OR9Q1: variants seen among roughly 807,000 people sequenced by gnomAD.
The protein encoded by OR9Q1 is olfactory receptor 9Q1.
For synonymous variants in OR9Q1, 153 were observed against 148.6 expected, an observed-to-expected ratio of 1.03 and a Z score of -0.22; for missense variants, 374 against 378.8, an observed-to-expected ratio of 0.99 and a Z score of 0.11.
chr11:58,031,214 A>T lies in OR9Q1; in HGVS notation c.-93+7110A>T, dbSNP rs61741314. ...AGTGCCCAAGATGCTGGCTGGTTTTATTGGGGTGGATGGTGGCAAGAATAT... is the reference window on the plus strand; with the variant it reads ...AGTGCCCAAGATGCTGGCTGGTTTTTTTGGGGTGGATGGTGGCAAGAATAT... On this transcript the variant is annotated intron_variant, in intron 1 of 2. Transcript: ENST00000335397. 497 of 1,614,034 alleles carry T rather than the reference A, an allele frequency of 3.1e-4. 7 individuals are homozygous for T. The African/African-American group carries it at 5.3e-3, about 17-fold the overall frequency.
In OR9Q1 at chr11:58,068,742, T is replaced by C. The variant is rs1853458233; in HGVS notation, c.-15+12795T>C. On this transcript the variant is annotated intron_variant, in intron 2 of 2. Transcript: ENST00000335397. Reference sequence around the variant, plus strand: ...TAAGAGGTGGTTATTCCAGGATTGGTAATTCAGTAACAACAGCATAGTGGT... The same window carrying C: ...TAAGAGGTGGTTATTCCAGGATTGGCAATTCAGTAACAACAGCATAGTGGT... Among the ~76,000 whole-genome samples, 3 of 152,154 alleles carry C rather than the reference T, an allele frequency of 2.0e-5. No individual in the cohort carries two copies. In the South Asian group the frequency reaches 6.2e-4, roughly 32 times the overall value.
intron 2 of OR9Q1, chr11:58,109,070 C>T (rs554821760): frequency 2.1e-5 from 10 of 473,330 alleles, no homozygotes; most frequent in South Asian, 1.4e-4. Context: ...AGGAGAATGA[C>T]AATCTCAGTT....
At chr11:58,139,746 G>A (rs1035898708) in intron 2 of OR9Q1, among the ~76,000 whole-genome samples, 4 of 152,024 alleles carry the variant, frequency 2.6e-5, no homozygotes, top group South Asian at 2.1e-4. Context: ...ATAAACATAC[G>A]TGTGCATGTG....
At chr11:58,113,216 C>G (rs575241637) in intron 2 of OR9Q1, among the ~76,000 whole-genome samples, 59 of 152,254 alleles carry the variant, frequency 3.9e-4, no homozygotes, top group African/African-American at 1.2e-3. Flanking sequence ...TTTTAATGCA[C>G]CTGGTCTACT....
At chr11:58,155,959 G>C (rs1854404124) in intron 2 of OR9Q1, among the ~76,000 whole-genome samples, 2 of 146,816 alleles carry the variant, frequency 1.4e-5, no homozygotes, top group Non-Finnish European at 3.0e-5. Flanking sequence ...TTTCACCCTG[G>C]CTGGAGTGCA....
intron 2 of OR9Q1, among the ~76,000 whole-genome samples, chr11:58,096,150 C>CT (rs200291818): frequency 0.25 from 33,564 of 136,356 alleles, 4,531 homozygotes; most frequent in East Asian, 0.57. Context: ...CTTCCTTTCC[C>CT]TTTTTTTTTT....
intron 2 of OR9Q1, among the ~76,000 whole-genome samples, chr11:58,064,703 T>A (rs981309820): frequency 6.6e-6 from 1 of 151,974 alleles, no homozygotes; most frequent in Non-Finnish European, 1.5e-5. Context: ...GAGAGGGGAC[T>A]CAGGGCATTC....
At chr11:58,160,962 A>C (rs1318560979) in intron 2 of OR9Q1, among the ~76,000 whole-genome samples, 2 of 152,184 alleles carry the variant, frequency 1.3e-5, no homozygotes, top group African/African-American at 2.4e-5. Context: ...TTGGAAGTGA[A>C]TGGAGAGAGT....
intron 2 of OR9Q1, among the ~76,000 whole-genome samples, chr11:58,069,359 C>A (rs1476839038): frequency 3.3e-5 from 5 of 152,140 alleles, no homozygotes; most frequent in Non-Finnish European, 5.9e-5. Flanking sequence ...GCCTGTGACA[C>A]CTGCAGTGTG....
At chr11:58,130,558 G>T (rs1392890017) in intron 2 of OR9Q1, among the ~76,000 whole-genome samples, 1 of 152,112 alleles carries the variant, frequency 6.6e-6, no homozygotes, top group African/African-American at 2.4e-5. Context: ...TTGGGAAGCC[G>T]AGGTGGATGG....
intron 1 of OR9Q1, among the ~76,000 whole-genome samples, chr11:58,043,905 T>C (rs137874645): frequency 0.01 from 1,585 of 152,290 alleles, 15 homozygotes; most frequent in Middle Eastern, 0.051. Context: ...GCTCTGTGGG[T>C]CCAGGACCAT....
intron 1 of OR9Q1, among the ~76,000 whole-genome samples, chr11:58,034,380 C>T (rs951248911): frequency 6.6e-5 from 10 of 152,058 alleles, no homozygotes; most frequent in Non-Finnish European, 1.3e-4. Flanking sequence ...AGCCACTGCA[C>T]CCGGCCAGCA....
At chr11:58,074,484 C>T (rs1376382262) in intron 2 of OR9Q1, among the ~76,000 whole-genome samples, 2 of 148,894 alleles carry the variant, frequency 1.3e-5, no homozygotes, top group Non-Finnish European at 3.0e-5. Flanking sequence ...TGTTTAAGTT[C>T]CTTGTAGATT....
chr11:58,025,103 T>C (rs1384403206), intron 1 of OR9Q1, among the ~76,000 whole-genome samples: 1 of 152,176 alleles, frequency 6.6e-6, no homozygotes, highest in Non-Finnish European at 1.5e-5. Context: ...CATAGGATCA[T>C]AGTACAATAT....
At chr11:58,156,624 A>G (rs2119912127) in intron 2 of OR9Q1, among the ~76,000 whole-genome samples, 1 of 152,234 alleles carries the variant, frequency 6.6e-6, no homozygotes, top group Middle Eastern at 3.4e-3. Flanking sequence ...TTAAACATGT[A>G]TTTTCTTTAT....
At chr11:58,111,356 A>C (rs542598814) in intron 2 of OR9Q1, among the ~76,000 whole-genome samples, 1 of 152,260 alleles carries the variant, frequency 6.6e-6, no homozygotes, top group South Asian at 2.1e-4. Context: ...TACTGTGATT[A>C]TTCTGTGCTT....
In OR9Q1 at chr11:58,053,613, ATATATATATATAT is replaced by A. The variant is rs1565062059; in HGVS notation, c.-92-2256_-92-2244del. Among the ~76,000 whole-genome samples, 99 of 61,904 alleles carry A rather than the reference ATATATATATATAT, an allele frequency of 1.6e-3. 2 individuals carry two copies. In the East Asian group the frequency reaches 0.093, roughly 58 times the overall value. 40.6% of individuals were successfully genotyped at this position (61,904 alleles called of 152,430 possible). ...TAAAGTATAATAATAAAATTAAAAA[ATATATATATATAT>A]AAAATATATATATATATAAATTATA... On this transcript the variant is annotated intron_variant, in intron 1 of 2. Coordinates refer to ENST00000335397, the MANE Select transcript of OR9Q1 (RefSeq NM_001005212.4).
intron 1 of OR9Q1, among the ~76,000 whole-genome samples, chr11:58,053,236 G>A (rs1853285052): frequency 6.6e-6 from 1 of 151,560 alleles, no homozygotes; most frequent in Non-Finnish European, 1.5e-5. Context: ...AAGAAAATGT[G>A]GCACATATTC....
intron 1 of OR9Q1, among the ~76,000 whole-genome samples, chr11:58,053,106 C>A (rs1418164934): frequency 6.6e-6 from 1 of 151,738 alleles, no homozygotes; most frequent in Admixed American, 6.6e-5. Flanking sequence ...TGGGTATATA[C>A]CCAAAGGACT....
Sources: gnomAD v4.1 joint callset for allele counts (sites outside exome capture counted in the v4.1 genomes callset) on GRCh38, gnomAD v4.1.1 for gene constraint, MANE v1.5 for transcripts, NCBI Gene and HGNC (gene_info 2026-07-23, HGNC 2026-07-21) for gene names.